GNPAT: variants seen among roughly 807,000 people sequenced by gnomAD.
GNPAT encodes dihydroxyacetone phosphate acyltransferase.
In GNPAT, 30 loss-of-function variants were observed where a neutral mutation model predicts 78.4. The ratio of observed to expected loss-of-function variants is 0.38; its 90% CI spans 0.29 to 0.52. The LOEUF is 0.52. Among genes scored for constraint, GNPAT ranks in the 20% least tolerant of loss-of-function variants. GNPAT has a pLI of 0.84. For missense variants in GNPAT, 714 were observed against 812.2 expected (o/e 0.88, Z 1.47); for synonymous variants, 271 against 281.1 (o/e 0.96, Z 0.36).
chr1:231,246,920 A>G (rs564678202), intron 1 of GNPAT, among the ~76,000 whole-genome samples: 102 of 152,296 alleles, frequency 6.7e-4, no homozygotes, highest in Non-Finnish European at 1.4e-3. Flanking sequence ...CTGTAATCCC[A>G]GCACTTTGGG....
intron 3 of GNPAT, 136 bp downstream of exon 3, chr1:231,260,819 AG>A (rs1685203507): frequency 1.5e-6 from 1 of 666,580 alleles, no homozygotes; most frequent in Non-Finnish European, 2.6e-6. Context: ...TCAAAAGCCT[AG>A]GGCCTAATCA....
chr1:231,271,093 C>A, intron 10 of GNPAT, 93 bp downstream of exon 10: 1 of 1,394,798 alleles, frequency 7.2e-7, no homozygotes, highest in Non-Finnish European at 1.0e-6. Flanking sequence ...TAATGTTCAG[C>A]CTCACGCCGG....
At chr1:231,247,608 C>T (rs909750208) in intron 1 of GNPAT, among the ~76,000 whole-genome samples, 13 of 152,088 alleles carry the variant, frequency 8.5e-5, no homozygotes, top group African/African-American at 2.9e-4. Context: ...TGTAAATGCC[C>T]CTCTCAATAA....
rs149645739 is a variant in GNPAT at position 231,275,120 on chromosome 1, T to A, written c.1744-101T>A. On this transcript the variant is annotated intron_variant, in intron 12 of 15. Coordinates refer to ENST00000366647, the MANE Select transcript of GNPAT (RefSeq NM_014236.4). ...CTTTATGCTGCTCTCTTGTGATATATCCTTCTCTTAAGAGGGGCAATGTAA... is the reference window on the plus strand; with the variant it reads ...CTTTATGCTGCTCTCTTGTGATATAACCTTCTCTTAAGAGGGGCAATGTAA... The A allele has an allele frequency of 2.5e-3, 1,905 of 764,288 alleles. 5 individuals are homozygous for A. Among genetic ancestry groups the A allele is most frequent in the Admixed American group, 3.9e-3 (195 of 50,166 alleles). 47.3% of individuals were successfully genotyped at this position (764,288 alleles called of 1,614,324 possible).
intron 2 of GNPAT, among the ~76,000 whole-genome samples, chr1:231,251,741 A>AAC (rs1684904947): frequency 6.6e-6 from 1 of 152,216 alleles, no homozygotes; most frequent in African/African-American, 2.4e-5. Flanking sequence ...CGAAGCCTTG[A>AAC]AAAGACTTGT....
intron 2 of GNPAT, among the ~76,000 whole-genome samples, chr1:231,255,261 C>T (rs545755582): frequency 6.6e-6 from 1 of 152,222 alleles, no homozygotes; most frequent in African/African-American, 2.4e-5. Context: ...ACTATCCCTT[C>T]TTATTTCTTC....
chr1:231,241,542 C>T, intron 1 of GNPAT, 86 bp downstream of exon 1: 3 of 1,036,522 alleles, frequency 2.9e-6, no homozygotes, highest in Non-Finnish European at 4.5e-6. Context: ...CGGCCCACCA[C>T]CCTTGCCCAA....
intron 1 of GNPAT, among the ~76,000 whole-genome samples, chr1:231,250,107 ATT>A (rs869271154): frequency 3.4e-5 from 4 of 116,200 alleles, no homozygotes; most frequent in African/African-American, 1.3e-4. Context: ...TATTATTATT[ATT>A]TTATTTTGTA....
rs142456601 is a variant in GNPAT, at chr1:231,247,981, A to C, written c.79-2980A>C. ...GATCGTATTTGGCAAGCTTTTTCAA[A>C]GTATACATGCCTGCTAGTTTCCCTT... On this transcript the variant is annotated intron_variant, in intron 1 of 15. Coordinates refer to ENST00000366647, the MANE Select transcript of GNPAT (RefSeq NM_014236.4). Among the ~76,000 whole-genome samples the C allele has an allele frequency of 4.0e-3, 614 of 152,312 alleles. 4 individuals are homozygous for C. The highest frequency in any genetic ancestry group is 0.014 in the African/African-American group (589 of 41,562).
Position 231,273,124 on chromosome 1 carries a change from G to A in GNPAT, c.1602+733G>A, listed in dbSNP as rs1030398654. Among the ~76,000 whole-genome samples the A allele has an allele frequency of 2.0e-5, 3 of 152,148 alleles. No homozygotes were observed. The East Asian group carries it at 5.8e-4, about 29-fold the overall frequency. On this transcript the variant is annotated intron_variant, in intron 11 of 15. Coordinates refer to ENST00000366647, the MANE Select transcript of GNPAT (RefSeq NM_014236.4). ...AGACAGCTGAGGGGTCATCAGGCTCGCAGAGCTGGACTGCTGCTGGGTTGA... is the reference window on the plus strand; with the variant it reads ...AGACAGCTGAGGGGTCATCAGGCTCACAGAGCTGGACTGCTGCTGGGTTGA...
chr1:231,271,306 G>A (rs937615043), intron 10 of GNPAT, among the ~76,000 whole-genome samples: 5 of 152,200 alleles, frequency 3.3e-5, no homozygotes, highest in Non-Finnish European at 7.3e-5. Flanking sequence ...CCTGGTCTGC[G>A]GCACTGTTTT....
chr1:231,255,034 C>T (rs1288967894), intron 2 of GNPAT, among the ~76,000 whole-genome samples: 2 of 151,944 alleles, frequency 1.3e-5, no homozygotes, highest in East Asian at 1.9e-4. Context: ...ATTACAGGTG[C>T]GAGCCACTGC....
At position 231,274,027 on chromosome 1, in the gene GNPAT, G is replaced by A. The variant is rs1404072580; in HGVS notation, c.1708G>A (p.Val570Ile). 1 of 1,613,500 alleles carries A rather than the reference G, an allele frequency of 6.2e-7. No homozygotes were observed. The highest frequency in any genetic ancestry group is 8.5e-7 in the Non-Finnish European group (1 of 1,179,440). The part of the protein sequence containing the change: ...EKGNTVLEFL[V>I]GLFKPFVESY... ...AGGAAATACTGTGTTAGAATTTTTA[G>A]TAGGACTCTTTAAACCTTTTGTGGA... The change falls in exon 12 of 16, where the codon GTA becomes ATA. Residue 570 changes from valine to isoleucine, a missense_variant. Physicochemically the swap from Val to Ile is conservative, Grantham distance 29. Coordinates refer to ENST00000366647, the MANE Select transcript of GNPAT (RefSeq NM_014236.4).
chr1:231,260,640 A>T lies in GNPAT; in HGVS notation c.395A>T (p.Gln132Leu). 4 of 1,613,432 alleles carry T rather than the reference A, an allele frequency of 2.5e-6. No homozygotes were observed. Among genetic ancestry groups the T allele is most frequent in the Non-Finnish European group, 3.4e-6 (4 of 1,179,376 alleles). Residue 132 changes from glutamine (Q) to leucine (L), a missense_variant, in exon 3 of 16, where the codon CAA becomes CTA. Transcript: ENST00000366647. ...CAFTLSKVFK[Q>L]IFSKVCVNEE... ...TTCACCCTGAGCAAAGTATTTAAAC[A>T]AATTTTCTCGAAGGTGTGTGTAAAT...
chr1:231,247,274 C>T (rs913260915), intron 1 of GNPAT, among the ~76,000 whole-genome samples: 18 of 152,178 alleles, frequency 1.2e-4, no homozygotes, highest in African/African-American at 4.3e-4. Context: ...CAAAAAGTGA[C>T]TTCATTCTGT....
chr1:231,272,181 C>T (rs1685588188), intron 10 of GNPAT, 131 bp from the exon 11 acceptor site: 1 of 665,192 alleles, frequency 1.5e-6, no homozygotes, highest in South Asian at 1.4e-5. Flanking sequence ...CCTCAGGGGA[C>T]TTAATTCTTG....
intron 4 of GNPAT, among the ~76,000 whole-genome samples, chr1:231,263,851 G>A (rs972810043): frequency 6.6e-6 from 1 of 152,146 alleles, no homozygotes; most frequent in Non-Finnish European, 1.5e-5. Context: ...TAGTGATGCT[G>A]AGCATCTTTT....
At chr1:231,249,149 C>T (rs902969042) in intron 1 of GNPAT, among the ~76,000 whole-genome samples, 3 of 152,070 alleles carry the variant, frequency 2.0e-5, no homozygotes, top group Admixed American at 6.6e-5. Context: ...GTCTATAGAG[C>T]GCAAACTGAT....
chr1:231,267,778 C>G lies in GNPAT; in HGVS notation c.1154C>G (p.Pro385Arg). 1 of 1,613,228 alleles carries G rather than the reference C, an allele frequency of 6.2e-7. No homozygotes were observed. The highest frequency in any genetic ancestry group is 8.5e-7 in the Non-Finnish European group (1 of 1,179,216). Reference sequence around the variant, plus strand: ...CAAATTGAAAACATGGTTTTGAGCCCCTGGACCCTAATAGTTGCTGTTCTG... The same window carrying G: ...CAAATTGAAAACATGGTTTTGAGCCGCTGGACCCTAATAGTTGCTGTTCTG... Reference protein sequence around the residue: ...LLQIENMVLSPWTLIVAVLLQ... With the variant: ...LLQIENMVLSRWTLIVAVLLQ... Residue 385 changes from proline to arginine, a missense_variant, in exon 9 of 16, where the codon CCC becomes CGC. Transcript: ENST00000366647.
Sources: allele counts gnomAD v4.1 joint callset (sites outside exome capture counted in the v4.1 genomes callset), GRCh38; gene constraint gnomAD v4.1.1; transcripts MANE v1.5; gene names NCBI Gene and HGNC (gene_info 2026-07-23, HGNC 2026-07-21).